The following ZNF718 variants were observed in gnomAD, a reference collection of about 807,000 sequenced individuals.
The protein encoded by ZNF718 is zinc finger protein 718.
A neutral mutation model predicts 2.6 loss-of-function variants in ZNF718; 3 were observed. The ratio of observed to expected loss-of-function variants is 1.16; its 90% CI spans 0.53 to 3.01. ZNF718 has a LOEUF of 3.01. Among genes scored for constraint, ZNF718 ranks in the 30% most tolerant of loss-of-function variants. ZNF718 has a pLI of 0.03. For missense variants in ZNF718, 468 were observed against 230.0 expected, an observed-to-expected ratio of 2.03 and a Z score of -6.69; for synonymous variants, 135 against 77.9, an observed-to-expected ratio of 1.73 and a Z score of -3.86.
chr4:182,868 A>G (rs935991755), intron 3 of ZNF718, among the ~76,000 whole-genome samples: 4 of 152,008 alleles, frequency 2.6e-5, no homozygotes, highest in Admixed American at 6.6e-5. Context: ...CTTCTTGTAA[A>G]TTTGTTCAAG....
At position 160,937 on chromosome 4, in the gene ZNF718, C is replaced by T. The variant is rs1055744652; in HGVS notation, c.252C>T (p.Asn84=). Residue 84 remains asparagine (N), a synonymous_variant, in exon 4 of 4, where the codon AAC becomes AAT. Transcript: ENST00000510175. ...CTGTGTGTTCTCATTTCACCCAAAA[C>T]CTTTGGACAGTGCAGGGCATAGAAG... The part of the protein sequence containing the change: ...PPAVCSHFTQ[N]LWTVQGIEDS... 3.9e-6 allele frequency: 3 copies of T among 772,872 alleles called. No homozygotes were observed. The highest frequency in any genetic ancestry group is 1.7e-5 in the African/African-American group (1 of 58,584). The allele number at this position is 772,872 out of a possible 1,614,324, so 47.9% of individuals were successfully genotyped here. A position where few individuals can be genotyped will look rare whatever the true frequency, so the allele number is the denominator to read the frequency against.
chr4:181,072 A>G (rs1553819740), intron 3 of ZNF718, among the ~76,000 whole-genome samples: 1 of 143,726 alleles, frequency 7.0e-6, no homozygotes, highest in Non-Finnish European at 1.5e-5. Context: ...CCCAGTCTGG[A>G]GTGCAGTGGC....
intron 3 of ZNF718, among the ~76,000 whole-genome samples, chr4:156,599 ACT>A (rs1553813712): frequency 6.6e-6 from 1 of 152,110 alleles, no homozygotes; most frequent in African/African-American, 2.4e-5. Flanking sequence ...AGCTAAAATC[ACT>A]CTACACATTA....
chr4:126,945 C>T (rs1446092838), intron 1 of ZNF718, among the ~76,000 whole-genome samples: 4 of 151,982 alleles, frequency 2.6e-5, no homozygotes, highest in Non-Finnish European at 5.9e-5. Context: ...ACCTGCTCAG[C>T]CTCCTGAGTA....
chr4:186,171 C>A (rs1553820448), intron 3 of ZNF718, among the ~76,000 whole-genome samples: 1 of 152,104 alleles, frequency 6.6e-6, no homozygotes, highest in African/African-American at 2.4e-5. Flanking sequence ...TCTTGTCTGG[C>A]AAGTCTGCTG....
Position 163,328 on chromosome 4 carries a change from A to G in ZNF718, c.*1206A>G, listed in dbSNP as rs1716985746. 6.6e-6 allele frequency: 1 copy of G among 151,648 alleles called. No homozygotes were observed. The highest frequency in any genetic ancestry group is 6.6e-5 in the Admixed American group (1 of 15,246). The allele number at this position is 151,648 out of a possible 1,614,324, so 9.4% of individuals were successfully genotyped here. A position where few individuals can be genotyped will look rare whatever the true frequency, so the allele number is the denominator to read the frequency against. On this transcript the variant is annotated 3_prime_UTR_variant, in exon 4 of 4. Transcript: ENST00000510175. ...CTCAGCCTCCCAAGTAGCTGGGACT[A>G]CAGGCGCCCGCCACTACGCCCGGCT...
intron 1 of ZNF718, among the ~76,000 whole-genome samples, chr4:125,882 T>C (rs1165629295): frequency 6.6e-6 from 1 of 152,218 alleles, no homozygotes; most frequent in Non-Finnish European, 1.5e-5. Context: ...GCACACGCAG[T>C]GCCCAGAAGA....
At chr4:195,247 A>C (rs1478151490) in intron 3 of ZNF718, among the ~76,000 whole-genome samples, 1 of 152,212 alleles carries the variant, frequency 6.6e-6, no homozygotes, top group Non-Finnish European at 1.5e-5. Context: ...TTCTGTAAGT[A>C]CTTTAAGGCT....
At chr4:160,269 C>T (rs1455252956) in intron 3 of ZNF718, among the ~76,000 whole-genome samples, 3 of 152,112 alleles carry the variant, frequency 2.0e-5, no homozygotes, top group Non-Finnish European at 4.4e-5. Context: ...AAGCACAATG[C>T]TATATTTGTG....
intron 3 of ZNF718, among the ~76,000 whole-genome samples, chr4:152,947 T>C (rs1195398906): frequency 8.2e-6 from 1 of 122,538 alleles, no homozygotes; most frequent in East Asian, 2.6e-4. Context: ...CGTTTGCAGA[T>C]TTTTACATGT....
At chr4:153,395 G>C (rs1310210010) in intron 3 of ZNF718, among the ~76,000 whole-genome samples, 2 of 151,990 alleles carry the variant, frequency 1.3e-5, no homozygotes, top group East Asian at 3.9e-4. Flanking sequence ...TGGCTATTTG[G>C]GGGTCTTTGG....
intron 3 of ZNF718, among the ~76,000 whole-genome samples, chr4:145,430 C>T (rs1292345272): frequency 6.6e-6 from 1 of 152,226 alleles, no homozygotes. Flanking sequence ...CATAAAACAT[C>T]TCATAGTTAT....
chr4:170,401 C>G (rs1361164483), intron 3 of ZNF718, among the ~76,000 whole-genome samples: 1 of 152,168 alleles, frequency 6.6e-6, no homozygotes, highest in African/African-American at 2.4e-5. Flanking sequence ...GCCTTCCTTG[C>G]TAGATTGGGG....
At chr4:142,709 CAA>C (rs1392036085) in intron 3 of ZNF718, among the ~76,000 whole-genome samples, 4 of 151,984 alleles carry the variant, frequency 2.6e-5, no homozygotes, top group African/African-American at 7.2e-5. Context: ...ATTGACTAAA[CAA>C]AGAGGTACCT....
intron 3 of ZNF718, among the ~76,000 whole-genome samples, chr4:135,741 T>TATATATA (rs1715539303): frequency 7.1e-6 from 1 of 141,122 alleles, no homozygotes; most frequent in Non-Finnish European, 1.5e-5. Context: ...GTTATATATA[T>TATATATA]GTGCATGATT....
intron 3 of ZNF718, among the ~76,000 whole-genome samples, chr4:172,770 T>C (rs1434741324): frequency 1.3e-5 from 2 of 151,872 alleles, no homozygotes; most frequent in African/African-American, 2.4e-5. Context: ...TAAAACATGA[T>C]ACATGCCAGG....
rs1164522262 is a variant in ZNF718, at chr4:133,195, AATATATAT to A, written c.226+1717_226+1724del. On this transcript the variant is annotated intron_variant, in intron 3 of 3. Transcript: ENST00000510175. ...TCCATCTTAAAAAAAAAAAAAAAAAAATATATATATATATATATATATATATATATATA... is the reference window on the plus strand; with the variant it reads ...TCCATCTTAAAAAAAAAAAAAAAAAAATATATATATATATATATATATATA... 1.3e-3 allele frequency among the ~76,000 whole-genome samples: 27 copies of A among 20,772 alleles called. 4 individuals carry two copies. The highest frequency in any genetic ancestry group is 0.013 in the South Asian group (6 of 464). 13.6% of individuals were successfully genotyped at this position (20,772 alleles called of 152,430 possible).
intron 3 of ZNF718, among the ~76,000 whole-genome samples, chr4:144,464 C>T (rs73793529): frequency 0.016 from 2,477 of 152,212 alleles, 76 homozygotes; most frequent in African/African-American, 0.056. Context: ...AGTTTCTTTT[C>T]TGGTACAATG....
chr4:190,679 A>G (rs1717673113), intron 3 of ZNF718, among the ~76,000 whole-genome samples: 1 of 152,170 alleles, frequency 6.6e-6, no homozygotes, highest in African/African-American at 2.4e-5. Context: ...AAAAGCAGAA[A>G]AGGAGAAGAA....
Sources: allele counts gnomAD v4.1 joint callset (sites outside exome capture counted in the v4.1 genomes callset), GRCh38; gene constraint gnomAD v4.1.1; transcripts MANE v1.5; gene names NCBI Gene and HGNC (gene_info 2026-07-23, HGNC 2026-07-21).